The following PHC2 variants were observed in gnomAD, a reference collection of about 807,000 sequenced individuals.
PHC2 encodes polyhomeotic homolog 2, also known as polyhomeotic-like protein 2.
In PHC2, 29 loss-of-function variants were observed where a neutral mutation model predicts 87.4. The observed-to-expected ratio is 0.33, with a 90% CI of 0.25 to 0.45. The LOEUF (loss-of-function observed/expected upper bound fraction) is 0.45. Ranked by LOEUF, PHC2 falls within the 20% of genes least tolerant of loss-of-function variation. The probability of loss-of-function intolerance (pLI) is 1.00; values close to 1 mark genes in which losing one functional copy is unlikely to be tolerated. For missense variants in PHC2, 857 were observed against 1,136.7 expected, an observed-to-expected ratio of 0.75 and a Z score of 3.54; for synonymous variants, 438 against 461.7, an observed-to-expected ratio of 0.95 and a Z score of 0.66.
rs771115643 is a variant in PHC2, at chr1:33,328,867, T to C, written c.2425+3A>G. 6.2e-7 allele frequency: 1 copy of C among 1,601,128 alleles called. No homozygotes were observed. The highest frequency in any genetic ancestry group is 8.6e-7 in the Non-Finnish European group (1 of 1,169,574). On this transcript the variant is annotated splice_donor_region_variant and intron_variant, in intron 14 of 14. Transcript: ENST00000683057. ...GGAGACATGGAATTTCCAAGGGCCT[T>C]ACCTGGCAGAGAGCGGATGAATTCG...
chr1:33,335,710 G>A (rs1450450384), intron 9 of PHC2, among the ~76,000 whole-genome samples: 4 of 152,138 alleles, frequency 2.6e-5, no homozygotes, highest in Non-Finnish European at 5.9e-5. Context: ...GACCAGCCTG[G>A]CCAACATGGT....
intron 2 of PHC2, among the ~76,000 whole-genome samples, chr1:33,372,976 G>A (rs974884358): frequency 6.6e-6 from 1 of 152,232 alleles, no homozygotes; most frequent in Non-Finnish European, 1.5e-5. Context: ...CCTCCTTCTT[G>A]AGGCTGGGGC....
chr1:33,345,553 C>CA (rs1203307953), intron 9 of PHC2: 2 of 985,132 alleles, frequency 2.0e-6, no homozygotes, highest in Non-Finnish European at 2.4e-6. Context: ...CATGGTCTTA[C>CA]AATGAATCTC....
intron 7 of PHC2, among the ~76,000 whole-genome samples, chr1:33,362,411 A>T (rs185294740): frequency 1.3e-5 from 2 of 152,278 alleles, no homozygotes; most frequent in African/African-American, 4.8e-5. Context: ...TTGTTTTACA[A>T]ATTCTCCAGA....
intron 1 of PHC2, among the ~76,000 whole-genome samples, chr1:33,417,698 C>T (rs1454805758): frequency 1.3e-5 from 2 of 152,058 alleles, no homozygotes; most frequent in Non-Finnish European, 2.9e-5. Flanking sequence ...TTCAATACTC[C>T]TCTCTTAGTA....
intron 1 of PHC2, among the ~76,000 whole-genome samples, chr1:33,424,807 A>T (rs1347195558): frequency 1.3e-5 from 2 of 152,224 alleles, no homozygotes; most frequent in African/African-American, 4.8e-5. Flanking sequence ...GTAAGCAAGG[A>T]GTCAGATTCT....
chr1:33,334,416 C>G lies in PHC2; in HGVS notation c.1559-124G>C. On this transcript the variant is annotated intron_variant, in intron 9 of 14. Transcript: ENST00000683057. This position sits in a 1 kb window ranked among gnomAD's most constrained non-coding sequence, Gnocchi z 5.5. ...CCGTGGGGCCAAGCGACAATGCAAACCAAGCAGTCCCCTCCCCTCAGTGAC... is the reference window on the plus strand; with the variant it reads ...CCGTGGGGCCAAGCGACAATGCAAAGCAAGCAGTCCCCTCCCCTCAGTGAC... 1.3e-6 allele frequency: 1 copy of G among 762,226 alleles called. No homozygotes were observed. Among genetic ancestry groups the G allele is most frequent in the Non-Finnish European group, 2.2e-6 (1 of 461,536 alleles). 47.2% of individuals were successfully genotyped at this position (762,226 alleles called of 1,614,324 possible).
intron 7 of PHC2, among the ~76,000 whole-genome samples, chr1:33,356,771 T>C (rs1323892014): frequency 1.3e-5 from 2 of 152,184 alleles, no homozygotes; most frequent in African/African-American, 4.8e-5. Flanking sequence ...AAAATCGCCA[T>C]CGTCATCATG....
At chr1:33,344,960 G>T (rs910379928) in intron 9 of PHC2, among the ~76,000 whole-genome samples, 3 of 151,812 alleles carry the variant, frequency 2.0e-5, no homozygotes, top group African/African-American at 7.3e-5. Context: ...CATTTGCTTT[G>T]ATTGTTCAAA....
intron 13 of PHC2, 27 bp from the exon 14 acceptor site, chr1:33,329,173 T>C (rs1309718630): frequency 3.7e-6 from 6 of 1,601,194 alleles, no homozygotes; most frequent in South Asian, 1.1e-5. Flanking sequence ...TTCTTCAGGA[T>C]GGGGGAACAA....
chr1:33,346,054 A>C, intron 9 of PHC2: 1 of 985,366 alleles, frequency 1.0e-6, no homozygotes, highest in South Asian at 4.7e-5. Context: ...TTAAAGCATA[A>C]ATCTATGTGT....
Position 33,328,993 on chromosome 1 carries a change from G to A in PHC2, c.2302C>T (p.Arg768Trp), listed in dbSNP as rs769308373. The A allele has an allele frequency of 5.0e-6, 8 of 1,614,070 alleles. No homozygotes were observed. Among genetic ancestry groups the A allele is most frequent in the South Asian group, 1.1e-5 (1 of 91,092 alleles). Residue 768 changes from arginine to tryptophan, a missense_variant, in exon 14 of 15, where the codon CGG becomes TGG. Transcript: ENST00000683057. ...SSTSRRRQGQ[R>W]DLELPDMHMR... ...TGCATGTCGGGGAGCTCCAGGTCCCGCTGGCCTTGTCGCCGGCGGGAAGTA... is the reference window on the plus strand; with the variant it reads ...TGCATGTCGGGGAGCTCCAGGTCCCACTGGCCTTGTCGCCGGCGGGAAGTA...
chr1:33,401,753 C>T (rs1490792851), intron 1 of PHC2, among the ~76,000 whole-genome samples: 1 of 152,122 alleles, frequency 6.6e-6, no homozygotes, highest in Non-Finnish European at 1.5e-5. Flanking sequence ...TTTATCAGGT[C>T]AGTAGGGGAG....
intron 9 of PHC2, among the ~76,000 whole-genome samples, chr1:33,338,051 C>G (rs549436629): frequency 6.6e-6 from 1 of 152,314 alleles, no homozygotes; most frequent in Admixed American, 6.5e-5. Flanking sequence ...AAACAGCCCC[C>G]CTCTGACCTT....
intron 8 of PHC2, 97 bp from the exon 9 acceptor site, chr1:33,354,663 G>C: frequency 7.2e-7 from 1 of 1,396,292 alleles, no homozygotes; most frequent in South Asian, 1.4e-5. Context: ...AAGCAGGTAA[G>C]GACCTTAAGA....
intron 14 of PHC2, chr1:33,326,448 T>C (rs1469298871): frequency 6.6e-6 from 1 of 152,596 alleles, no homozygotes; most frequent in Non-Finnish European, 1.5e-5. Flanking sequence ...TTTCTAGGCA[T>C]GCCTCGCAGA....
At chr1:33,370,666 C>T (rs372809514) in intron 4 of PHC2, 81 bp from the exon 5 acceptor site, 5 of 1,364,110 alleles carry the variant, frequency 3.7e-6, no homozygotes, top group Middle Eastern at 1.8e-4. Context: ...CTTTCTCCCC[C>T]CTCTTTTGCT....
At chr1:33,423,279 A>C (rs922736592) in intron 1 of PHC2, among the ~76,000 whole-genome samples, 1 of 152,214 alleles carries the variant, frequency 6.6e-6, no homozygotes, top group Non-Finnish European at 1.5e-5. Context: ...ACTGAAAACA[A>C]AATAAAAGTG....
At position 33,364,006 on chromosome 1, in the gene PHC2, C is replaced by T. The variant is rs989192627; in HGVS notation, c.976+3110G>A. 1.5e-5 allele frequency: 8 copies of T among 534,320 alleles called. No homozygotes were observed. The highest frequency in any genetic ancestry group is 1.9e-5 in the Non-Finnish European group (8 of 417,744). The allele number at this position is 534,320 out of a possible 1,614,324, so 33.1% of individuals were successfully genotyped here. On this transcript the variant is annotated intron_variant, in intron 7 of 14. Transcript: ENST00000683057. The surrounding 1 kb of genome is among the most constrained non-coding windows in gnomAD (Gnocchi z 4.1). ...TCCGCCCCTTACTCCCCTCCCCCACCTGCTCCCCCACCCCTATTCTCGGCA... is the reference window on the plus strand; with the variant it reads ...TCCGCCCCTTACTCCCCTCCCCCACTTGCTCCCCCACCCCTATTCTCGGCA...
Sources: gnomAD v4.1 joint callset for allele counts (sites outside exome capture counted in the v4.1 genomes callset) on GRCh38, gnomAD v4.1.1 for gene constraint, Gnocchi (gnomAD v3.1) non-coding constraint, MANE v1.5 for transcripts, NCBI Gene and HGNC (gene_info 2026-07-23, HGNC 2026-07-21) for gene names.